Variants in WIPI1 observed in about 807,000 individuals in gnomAD.
WIPI1 encodes WD repeat domain phosphoinositide-interacting protein 1.
In WIPI1, 45 loss-of-function variants were observed where a neutral mutation model predicts 55.3. The observed-to-expected ratio is 0.81, with a 90% confidence interval of 0.64 to 1.04. The LOEUF (loss-of-function observed/expected upper bound fraction) is 1.04. Ranked by LOEUF, WIPI1 falls within the 50% of genes least tolerant of loss-of-function variation. WIPI1 has a pLI of 0.00. For synonymous variants in WIPI1, 195 were observed against 217.6 expected (o/e 0.90, Z 0.92); for missense variants, 445 against 559.0 (o/e 0.80, Z 2.06).
chr17:68,437,018 G>A (rs55912799), intron 4 of WIPI1, among the ~76,000 whole-genome samples: 11 of 80,068 alleles, frequency 1.4e-4, no homozygotes, highest in African/African-American at 2.8e-4. Context: ...ATATATATAT[G>A]TGTGTGTGTG....
At chr17:68,425,125 C>T (rs559384263) in intron 12 of WIPI1, among the ~76,000 whole-genome samples, 202 of 152,348 alleles carry the variant, frequency 1.3e-3, no homozygotes, top group Admixed American at 4.4e-3. Context: ...ACAGGCTGAG[C>T]AGGTTGCTGG....
intron 6 of WIPI1, among the ~76,000 whole-genome samples, chr17:68,434,953 G>A (rs1385099729): frequency 2.0e-5 from 3 of 152,134 alleles, no homozygotes; most frequent in Non-Finnish European, 4.4e-5. Flanking sequence ...TGTAATCCTA[G>A]CACTTTGGGA....
chr17:68,436,583 C>T (rs1302376642), intron 4 of WIPI1, 104 bp from the exon 5 acceptor site: 3 of 1,027,166 alleles, frequency 2.9e-6, no homozygotes, highest in Non-Finnish European at 4.3e-6. Flanking sequence ...CACCTACTGG[C>T]AAGGGGAGGA....
At position 68,450,824 on chromosome 17, in the gene WIPI1, T is replaced by C. The variant is rs34660193; in HGVS notation, c.237A>G (p.Lys79=). 3.6e-4 allele frequency: 577 copies of C among 1,614,110 alleles called. 3 individuals carry two copies. In the African/African-American group the frequency reaches 6.8e-3, roughly 19 times the overall value. The change falls in exon 3 of 13, where the codon AAA becomes AAG. Residue 79 remains lysine (K), a synonymous_variant. Transcript: ENST00000262139. ...AGTGATACACGTTCATCTGCCGTGG[T>C]TTTGTGTGACTGACTACCACCACCA... ...SSLVVVVSHT[K]PRQMNVYHFK...
chr17:68,432,207 C>T (rs2083560808), intron 8 of WIPI1, among the ~76,000 whole-genome samples: 1 of 152,120 alleles, frequency 6.6e-6, no homozygotes. Context: ...TTTCATACAC[C>T]ACTGGGGGTG....
At chr17:68,448,652 G>A (rs925388395) in intron 3 of WIPI1, among the ~76,000 whole-genome samples, 1 of 152,154 alleles carries the variant, frequency 6.6e-6, no homozygotes, top group Non-Finnish European at 1.5e-5. Context: ...TACAATAGAC[G>A]CTATTTGAGG....
rs750355563 is a variant in WIPI1, at chr17:68,428,891, G to T, written c.1011C>A (p.His337Gln). ...PRLLVASSSG[H>Q]LYMYNLDPQD... ...GAGGATCCAAATTGTACATATAAAG[G>T]TGTCCACTGGATGACGCAACTAGCA... The change falls in exon 10 of 13, where the codon CAC (histidine) becomes CAA (glutamine). Residue 337 changes from histidine to glutamine, a missense_variant. Transcript: ENST00000262139. 1 of 1,614,156 alleles carries T rather than the reference G, an allele frequency of 6.2e-7. No homozygotes were observed. Among genetic ancestry groups the T allele is most frequent in the Non-Finnish European group, 8.5e-7 (1 of 1,180,030 alleles).
intron 5 of WIPI1, 138 bp from the exon 6 acceptor site, chr17:68,435,850 G>C (rs2083759573): frequency 1.3e-6 from 1 of 744,422 alleles, no homozygotes; most frequent in Non-Finnish European, 2.3e-6. Flanking sequence ...CAGGCCATCT[G>C]CATGTAAGCT....
chr17:68,451,115 T>C (rs568748092), intron 2 of WIPI1, among the ~76,000 whole-genome samples: 1 of 152,344 alleles, frequency 6.6e-6, no homozygotes, highest in Admixed American at 6.5e-5. Context: ...TTCAGAGTCC[T>C]TTCCAAATAT....
chr17:68,427,498 A>T (rs2083277004), intron 10 of WIPI1: 1 of 307,560 alleles, frequency 3.3e-6, no homozygotes, highest in Admixed American at 4.7e-5. Context: ...CTGCGACTAC[A>T]GGCACCCACC....
At chr17:68,431,617 T>C (rs1397755607) in intron 8 of WIPI1, among the ~76,000 whole-genome samples, 1 of 102,894 alleles carries the variant, frequency 9.7e-6, no homozygotes, top group Non-Finnish European at 2.0e-5. Context: ...CTGGTATTGG[T>C]TGAAAGAGAC....
At chr17:68,437,005 A>ATATATATAT (rs1555801304) in intron 4 of WIPI1, among the ~76,000 whole-genome samples, 26,305 of 104,708 alleles carry the variant, frequency 0.25, 2,921 homozygotes, top group Admixed American at 0.36. Context: ...AAAAAAAAAA[A>ATATATATAT]ATATATATAT....
At chr17:68,442,701 C>T (rs2147942636) in intron 4 of WIPI1, among the ~76,000 whole-genome samples, 1 of 152,314 alleles carries the variant, frequency 6.6e-6, no homozygotes, top group Non-Finnish European at 1.5e-5. Context: ...CAGCCTCAAG[C>T]TCTATGCAGA....
intron 4 of WIPI1, among the ~76,000 whole-genome samples, chr17:68,439,103 C>A (rs1296538237): frequency 2.0e-5 from 3 of 152,062 alleles, no homozygotes; most frequent in African/African-American, 7.3e-5. Context: ...ACATAAAGTT[C>A]TCATATGACC....
At chr17:68,430,244 G>C in intron 8 of WIPI1, 84 bp from the exon 9 acceptor site, 4 of 1,384,964 alleles carry the variant, frequency 2.9e-6, no homozygotes, top group Non-Finnish European at 3.9e-6. Context: ...AGCGTCATTA[G>C]CCACACTCCC....
chr17:68,436,075 C>T (rs2083771406), intron 5 of WIPI1, among the ~76,000 whole-genome samples: 2 of 152,236 alleles, frequency 1.3e-5, no homozygotes, highest in African/African-American at 4.8e-5. Flanking sequence ...ATATGAAACA[C>T]CTGCACACTG....
rs986099910 is a variant in WIPI1, at chr17:68,423,764, C to T, written c.1294-1944G>A. ...TTTTACCCCAAATAAATGATCTGCA[C>T]AAGGTACCTATTATTTTATACAGGT... is the stretch of plus-strand genomic sequence containing the variant. On this transcript the variant is annotated intron_variant, in intron 12 of 12. Transcript: ENST00000262139. This position sits in a 1 kb window ranked among gnomAD's most constrained non-coding sequence, Gnocchi z 4.4. 2.0e-5 allele frequency among the ~76,000 whole-genome samples: 3 copies of T among 152,150 alleles called. No individual in the cohort carries two copies. The highest frequency in any genetic ancestry group is 4.4e-5 in the Non-Finnish European group (3 of 68,042).
rs755613088 is a variant in WIPI1 at position 68,428,936 on chromosome 17, C to T, written c.966G>A (p.Thr322=). Residue 322 remains threonine, a splice_region_variant and synonymous_variant, in exon 10 of 13, where the codon ACG becomes ACA. Coordinates refer to ENST00000262139, the MANE Select transcript of WIPI1 (RefSeq NM_017983.7). The stretch of plus-strand genomic sequence containing the variant: ...CTAGCAGCCGTGGCAACTTCTGGAT[C>T]CTAAGGGCCAAGGAAAACATAAACC... ...SGQRNICTLS[T]IQKLPRLLVA... 1 of 1,612,570 alleles carries T rather than the reference C, an allele frequency of 6.2e-7. No individual in the cohort carries two copies. Among genetic ancestry groups the T allele is most frequent in the Non-Finnish European group, 8.5e-7 (1 of 1,178,946 alleles).
chr17:68,446,599 T>C (rs2084294208), intron 3 of WIPI1, among the ~76,000 whole-genome samples: 1 of 152,224 alleles, frequency 6.6e-6, no homozygotes, highest in South Asian at 2.1e-4. Context: ...TGTGAAATAT[T>C]CTCTGACTTA....
Sources: gnomAD v4.1 joint callset for allele counts (sites outside exome capture counted in the v4.1 genomes callset) on GRCh38, gnomAD v4.1.1 for gene constraint, Gnocchi (gnomAD v3.1) non-coding constraint, MANE v1.5 for transcripts, NCBI Gene and HGNC (gene_info 2026-07-23, HGNC 2026-07-21) for gene names.